Variants in ABR observed in about 807,000 individuals in gnomAD.
The protein encoded by ABR is ABR activator of RhoGEF and GTPase.
In ABR, 35 loss-of-function variants were observed where a neutral mutation model predicts 107.2. The observed-to-expected ratio is 0.33, with a 90% CI of 0.25 to 0.43. The LOEUF (loss-of-function observed/expected upper bound fraction) is 0.43, where lower values mean the gene tolerates loss of function less well. Ranked by LOEUF, ABR falls within the 20% of genes least tolerant of loss-of-function variation. The pLI, the probability that ABR is intolerant of heterozygous loss-of-function variation, is 1.00. For synonymous variants in ABR, 498 were observed against 462.0 expected, an observed-to-expected ratio of 1.08 and a Z score of -1.00; for missense variants, 815 against 1,115.2, an observed-to-expected ratio of 0.73 and a Z score of 3.83.
At chr17:1,008,669 C>T (rs923294613) in intron 21 of ABR, among the ~76,000 whole-genome samples, 1 of 152,262 alleles carries the variant, frequency 6.6e-6, no homozygotes, top group African/African-American at 2.4e-5. Flanking sequence ...TCCACTGGCT[C>T]TCCCGAGCCT....
At position 1,154,453 on chromosome 17, in the gene ABR, A is replaced by C. The variant is rs1048687118; in HGVS notation, c.61+25214T>G. 6.6e-6 allele frequency: 1 copy of C among 152,470 alleles called. No individual in the cohort carries two copies. Among genetic ancestry groups the C allele is most frequent in the Non-Finnish European group, 1.5e-5 (1 of 68,320 alleles). 9.4% of individuals were successfully genotyped at this position (152,470 alleles called of 1,614,324 possible). A position where few individuals can be genotyped will look rare whatever the true frequency, so the allele number is the denominator to read the frequency against. On this transcript the variant is annotated intron_variant, in intron 1 of 22. Transcript: ENST00000302538. This position sits in a 1 kb window ranked among gnomAD's most constrained non-coding sequence, Gnocchi z 4.0. Reference sequence around the variant, plus strand: ...TCATAAAGCCCAGAATCCTCCTGCAAACCAAAATATCTCCATGGTGCCGGC... The same window carrying C: ...TCATAAAGCCCAGAATCCTCCTGCACACCAAAATATCTCCATGGTGCCGGC...
chr17:1,060,044 A>G (rs1260581656), intron 10 of ABR, among the ~76,000 whole-genome samples: 1 of 152,232 alleles, frequency 6.6e-6, no homozygotes, highest in African/African-American at 2.4e-5. Context: ...AAGAGCGAAG[A>G]ATCAGAGACA....
chr17:1,159,326 CA>C (rs1485383759), intron 1 of ABR, among the ~76,000 whole-genome samples: 2 of 75,064 alleles, frequency 2.7e-5, no homozygotes, highest in Non-Finnish European at 2.6e-5. Flanking sequence ...AGTAAGAATG[CA>C]GTACTCACGC....
At chr17:1,055,939 C>G (rs1160861862) in intron 14 of ABR, 96 bp downstream of exon 14, 1 of 1,196,778 alleles carries the variant, frequency 8.4e-7, no homozygotes, top group East Asian at 2.4e-5. Context: ...GGGGAATGCC[C>G]CATGTCTAAA....
At chr17:1,185,140 GA>G (rs1253794395) in intron 1 of ABR, 3 of 152,214 alleles carry the variant, frequency 2.0e-5, no homozygotes, top group Non-Finnish European at 4.4e-5. Flanking sequence ...CGTTATTTCA[GA>G]ACCCTCCCAG....
chr17:1,031,547 C>A (rs1213682999), intron 16 of ABR: 10 of 720,316 alleles, frequency 1.4e-5, no homozygotes, highest in African/African-American at 1.9e-5. Flanking sequence ...CCCCGAGCCC[C>A]GCAGCGCCCC....
intron 3 of ABR, among the ~76,000 whole-genome samples, chr17:1,096,702 G>A (rs1225864884): frequency 1.3e-5 from 2 of 151,374 alleles, no homozygotes; most frequent in Admixed American, 1.3e-4. Context: ...CGCCCCGGGA[G>A]GAGAGAGCTG....
intron 14 of ABR, 55 bp downstream of exon 14, chr17:1,055,980 A>C (rs1200210110): frequency 6.6e-7 from 1 of 1,521,174 alleles, no homozygotes; most frequent in African/African-American, 1.4e-5. Flanking sequence ...TCCTGGGCAG[A>C]GCAGTGCAGA....
intron 1 of ABR, among the ~76,000 whole-genome samples, chr17:1,177,724 A>G (rs1266423036): frequency 6.6e-6 from 1 of 152,216 alleles, no homozygotes; most frequent in Admixed American, 6.6e-5. Flanking sequence ...AGAGCCAGAA[A>G]CACTCAGGAA....
intron 2 of ABR, among the ~76,000 whole-genome samples, chr17:1,113,454 T>A (rs537931670): frequency 2.0e-4 from 31 of 151,780 alleles, no homozygotes; most frequent in Admixed American, 1.4e-3. Flanking sequence ...GCCCGGCTAA[T>A]TTTTGTATTT....
intron 6 of ABR, among the ~76,000 whole-genome samples, chr17:1,074,552 G>A (rs967760435): frequency 1.1e-4 from 16 of 152,252 alleles, no homozygotes; most frequent in Non-Finnish European, 1.8e-4. Flanking sequence ...TCAGGCTCCT[G>A]GAGCTGAAGG....
chr17:1,041,897 G>T (rs893827262), intron 16 of ABR, among the ~76,000 whole-genome samples: 15 of 152,128 alleles, frequency 9.9e-5, no homozygotes, highest in African/African-American at 2.7e-4. Flanking sequence ...GGGTGAAGGG[G>T]TCAAGGGGCA....
rs577492642 is a variant in ABR, at chr17:1,078,573, C to T, written c.700+757G>A. On this transcript the variant is annotated intron_variant, in intron 6 of 22. Transcript: ENST00000302538. The surrounding 1 kb of genome is among the most constrained non-coding windows in gnomAD (Gnocchi z 7.5). ...AGCCCACCAATTCCCCACCGATCCTCGGGGCCACCTGGACCCCTCCAGCCT... is the reference window on the plus strand; with the variant it reads ...AGCCCACCAATTCCCCACCGATCCTTGGGGCCACCTGGACCCCTCCAGCCT... Among the ~76,000 whole-genome samples the T allele has an allele frequency of 1.3e-5, 2 of 152,298 alleles. No individual in the cohort carries two copies. Among genetic ancestry groups the T allele is most frequent in the East Asian group, 1.9e-4 (1 of 5,168 alleles).
chr17:1,043,584 T>C (rs2031035910), intron 16 of ABR, among the ~76,000 whole-genome samples: 1 of 152,236 alleles, frequency 6.6e-6, no homozygotes, highest in African/African-American at 2.4e-5. Context: ...TGGAGTACAG[T>C]AGCGCAATCC....
At chr17:1,224,851 T>C (rs12944076) in intron 1 of ABR, among the ~76,000 whole-genome samples, 91,210 of 151,770 alleles carry the variant, frequency 0.6, 28,580 homozygotes, top group African/African-American at 0.77. Context: ...ATTCTTTTTT[T>C]CTTAGAAATG....
intron 1 of ABR, among the ~76,000 whole-genome samples, chr17:1,211,905 AC>A (rs1226939462): frequency 6.6e-6 from 1 of 151,702 alleles, no homozygotes; most frequent in Non-Finnish European, 1.5e-5. Context: ...AGATGGTGAA[AC>A]CCCGTCTCTA....
At position 1,179,104 on chromosome 17, in the gene ABR, C is replaced by T. The variant is rs537550648; in HGVS notation, c.61+563G>A. On this transcript the variant is annotated intron_variant, in intron 1 of 22. Transcript: ENST00000302538. This position sits in a 1 kb window ranked among gnomAD's most constrained non-coding sequence, Gnocchi z 4.9. Reference sequence around the variant, plus strand: ...AGCCCGGGATTTTCAGCTCCCGCATCCAAACGGCCCCCGCGGATATCTGCA... The same window carrying T: ...AGCCCGGGATTTTCAGCTCCCGCATTCAAACGGCCCCCGCGGATATCTGCA... Among the ~76,000 whole-genome samples the T allele has an allele frequency of 6.6e-6, 1 of 151,926 alleles. No homozygotes were observed. Among genetic ancestry groups the T allele is most frequent in the South Asian group, 2.1e-4 (1 of 4,818 alleles).
At chr17:1,204,006 C>T (rs1307245463) in intron 1 of ABR, among the ~76,000 whole-genome samples, 2 of 152,140 alleles carry the variant, frequency 1.3e-5, no homozygotes, top group African/African-American at 4.8e-5. Context: ...GGGGAGGGCA[C>T]GAGAAACCAC....
In ABR at chr17:1,023,057, C is replaced by T. The variant is rs532068476; in HGVS notation, c.1792-9893G>A. On this transcript the variant is annotated intron_variant, in intron 16 of 22. Transcript: ENST00000302538. ...GCAGAGCCTCTGCCTGCCCCACGTC[C>T]GCTCCAGCGCCTCTGCCGGCCCCAC... Among the ~76,000 whole-genome samples, 49 of 149,022 alleles carry T rather than the reference C, an allele frequency of 3.3e-4. 1 individual carries two copies. The South Asian group carries it at 9.9e-3, about 30-fold the overall frequency.
Sources: allele counts gnomAD v4.1 joint callset (sites outside exome capture counted in the v4.1 genomes callset), GRCh38; gene constraint gnomAD v4.1.1; non-coding constraint Gnocchi (gnomAD v3.1); transcripts MANE v1.5; gene names NCBI Gene and HGNC (gene_info 2026-07-23, HGNC 2026-07-21).